CACNA1S: variants seen among roughly 807,000 people sequenced by gnomAD.
CACNA1S encodes the protein voltage-dependent L-type calcium channel subunit alpha-1S.
In CACNA1S, 126 loss-of-function variants were observed where a neutral mutation model predicts 207.4. The ratio of observed to expected loss-of-function variants is 0.61; its 90% CI spans 0.53 to 0.70. CACNA1S has a LOEUF of 0.70. Ranked by LOEUF, CACNA1S falls within the 30% of genes least tolerant of loss-of-function variation. CACNA1S has a pLI of 0.00. For missense variants in CACNA1S, 2,349 were observed against 2,422.8 expected (o/e 0.97, Z 0.64); for synonymous variants, 960 against 932.7 (o/e 1.03, Z -0.53).
chr1:201,095,010 A>G (rs1662365683), intron 2 of CACNA1S, among the ~76,000 whole-genome samples: 1 of 151,982 alleles, frequency 6.6e-6, no homozygotes, highest in Admixed American at 6.5e-5. Flanking sequence ...CTGGCTTGGC[A>G]GCTTCTAAGA....
intron 28 of CACNA1S, among the ~76,000 whole-genome samples, chr1:201,057,850 G>T (rs1179587950): frequency 6.6e-6 from 1 of 152,122 alleles, no homozygotes; most frequent in Non-Finnish European, 1.5e-5. Flanking sequence ...TCCTCCCACT[G>T]CCCTGTTTAA....
In CACNA1S at chr1:201,039,562, C is replaced by T; in HGVS notation, c.*269G>A. Reference sequence around the variant, plus strand: ...TTTAATGTCCTGCAGGTGGGAGTGGCCCTAGGCCAGACAGGCACTGACCAG... The same window carrying T: ...TTTAATGTCCTGCAGGTGGGAGTGGTCCTAGGCCAGACAGGCACTGACCAG... On this transcript the variant is annotated 3_prime_UTR_variant, in exon 44 of 44. Transcript: ENST00000362061. 1 of 559,616 alleles carries T rather than the reference C, an allele frequency of 1.8e-6. No homozygotes were observed. The highest frequency in any genetic ancestry group is 3.2e-6 in the Non-Finnish European group (1 of 311,514). 34.7% of individuals were successfully genotyped at this position (559,616 alleles called of 1,614,324 possible).
At chr1:201,047,301 G>C in intron 37 of CACNA1S, 62 bp from the exon 38 acceptor site, 1 of 1,609,486 alleles carries the variant, frequency 6.2e-7, no homozygotes, top group South Asian at 1.1e-5. Context: ...TGGATTCAGA[G>C]TGGGAGCCAG....
intron 28 of CACNA1S, among the ~76,000 whole-genome samples, chr1:201,056,076 C>T (rs918150966): frequency 7.5e-6 from 1 of 134,106 alleles, no homozygotes; most frequent in African/African-American, 2.7e-5. Flanking sequence ...GACAGACACA[C>T]ACACACACAC....
In CACNA1S at chr1:201,039,557, AGTGGCCCTAGGC is replaced by A; in HGVS notation, c.*262_*273del. The A allele has an allele frequency of 1.8e-6, 1 of 547,868 alleles. No homozygotes were observed. The highest frequency in any genetic ancestry group is 2.1e-5 in the South Asian group (1 of 47,900). The allele number at this position is 547,868 out of a possible 1,614,324, so 33.9% of individuals were successfully genotyped here. A position where few individuals can be genotyped will look rare whatever the true frequency, so the allele number is the denominator to read the frequency against. On this transcript the variant is annotated 3_prime_UTR_variant, in exon 44 of 44. Coordinates refer to ENST00000362061, the MANE Select transcript of CACNA1S (RefSeq NM_000069.3). ...GAGATTTTAATGTCCTGCAGGTGGG[AGTGGCCCTAGGC>A]CAGACAGGCACTGACCAGGCCTTTT...
At chr1:201,104,382 C>A (rs952261249) in intron 2 of CACNA1S, among the ~76,000 whole-genome samples, 1 of 152,178 alleles carries the variant, frequency 6.6e-6, no homozygotes, top group East Asian at 1.9e-4. Flanking sequence ...AACCACTGAC[C>A]TAGGAGGGAA....
At chr1:201,049,337 CT>C in intron 34 of CACNA1S, among the ~76,000 whole-genome samples, 1 of 152,338 alleles carries the variant, frequency 6.6e-6, no homozygotes, top group Non-Finnish European at 1.5e-5. Context: ...GGCGCATTCC[CT>C]CAGATATGGG....
At position 201,040,036 on chromosome 1, in the gene CACNA1S, A is replaced by C; in HGVS notation, c.5417T>G (p.Phe1806Cys). 6.2e-7 allele frequency: 1 copy of C among 1,614,204 alleles called. No homozygotes were observed. Among genetic ancestry groups the C allele is most frequent in the Admixed American group, 1.7e-5 (1 of 60,032 alleles). ...GLGTLAADAN[F>C]IMATGQALAD... ...CAGGGCCTGGCCTGTTGCCATGATG[A>C]AGTTTGCATCAGCTGCCAAGGTGCC... Residue 1806 changes from phenylalanine (F) to cysteine (C), a missense_variant, in exon 44 of 44, where the codon TTC (phenylalanine) becomes TGC (cysteine). Transcript: ENST00000362061.
In CACNA1S at chr1:201,087,841, A is replaced by G. The variant is rs748698421; in HGVS notation, c.989T>C (p.Leu330Pro). 6.2e-7 allele frequency: 1 copy of G among 1,612,246 alleles called. No individual in the cohort carries two copies. Among genetic ancestry groups the G allele is most frequent in the Non-Finnish European group, 8.5e-7 (1 of 1,178,778 alleles). Residue 330 changes from leucine to proline, a missense_variant, in exon 7 of 44, where the codon CTG becomes CCG. Physicochemically the swap from Leu to Pro is moderately conservative, Grantham distance 98. Coordinates refer to ENST00000362061, the MANE Select transcript of CACNA1S (RefSeq NM_000069.3). ...AATTTCTTACCCACTCAGGACACCC[A>G]GCACCAGGTTGAGGATGAAGAAGGA... ...LGSFFILNLV[L>P]GVLSGEFTKE...
At chr1:201,044,729 T>C (rs1159968749) in intron 38 of CACNA1S, among the ~76,000 whole-genome samples, 2 of 152,238 alleles carry the variant, frequency 1.3e-5, no homozygotes, top group East Asian at 3.8e-4. Flanking sequence ...TAGGCTGGTC[T>C]CAAACTCCTG....
chr1:201,062,527 AGAGGGAGG>A lies in CACNA1S; in HGVS notation c.2854-21_2854-14del. 5.4e-5 allele frequency: 63 copies of A among 1,156,320 alleles called. No homozygotes were observed. Among genetic ancestry groups the A allele is most frequent in the Non-Finnish European group, 7.8e-5 (62 of 796,404 alleles). 71.6% of individuals were successfully genotyped at this position (1,156,320 alleles called of 1,614,324 possible). On this transcript the variant is annotated splice_polypyrimidine_tract_variant and intron_variant, in intron 22 of 43. Coordinates refer to ENST00000362061, the MANE Select transcript of CACNA1S (RefSeq NM_000069.3). ...TGAAGAACTTCCCCTGCAGCCAGGA[AGAGGGAGG>A]GAGGGAGGGAGGCATGTTGTCATGG...
rs534324858 is a variant in CACNA1S, at chr1:201,040,311, C to A, written c.5290G>T (p.Glu1764Ter). The change falls in exon 43 of 44, where the codon GAG becomes TAG. Residue 1764 changes from glutamate to a stop codon, truncating the protein, a stop_gained. Coordinates refer to ENST00000362061, the MANE Select transcript of CACNA1S (RefSeq NM_000069.3). LOFTEE classifies it high-confidence loss of function. ...GTGCTCCTGCTGTGGGGTGTCTCCT[C>A]ATGAAGAGACCCTGGTGTGGAGCTC... ...RKSSTPGSLH[E>*]ETPHSRSTRE... 1.2e-6 allele frequency: 2 copies of A among 1,613,816 alleles called. No homozygotes were observed. Among genetic ancestry groups the A allele is most frequent in the South Asian group, 2.2e-5 (2 of 91,038 alleles).
chr1:201,067,101 T>C (rs1293597734), intron 19 of CACNA1S, 108 bp from the exon 20 acceptor site: 14 of 745,248 alleles, frequency 1.9e-5, no homozygotes, highest in Middle Eastern at 2.3e-4. Context: ...ACTGAGGCAA[T>C]AGCCTTCCAG....
chr1:201,069,209 C>T lies in CACNA1S; in HGVS notation c.2491-13G>A, dbSNP rs750836806. On this transcript the variant is annotated splice_polypyrimidine_tract_variant and intron_variant, in intron 18 of 43. Transcript: ENST00000362061. ...AGTGTTTAAGGATCTGGGGACAGGG[C>T]AGGGGCGGGAGCAGCCAGTGAGAGG... is the stretch of plus-strand genomic sequence containing the variant. The T allele has an allele frequency of 2.5e-6, 4 of 1,613,580 alleles. No individual in the cohort carries two copies. The highest frequency in any genetic ancestry group is 1.7e-5 in the Admixed American group (1 of 60,022).
At chr1:201,043,675 G>A in intron 39 of CACNA1S, 144 bp from the exon 40 acceptor site, 1 of 734,022 alleles carries the variant, frequency 1.4e-6, no homozygotes, top group Non-Finnish European at 2.2e-6. Context: ...ACTGAGTGGT[G>A]AGATCAAAAG....
intron 28 of CACNA1S, among the ~76,000 whole-genome samples, chr1:201,055,799 T>A (rs1660819758): frequency 6.6e-6 from 1 of 152,122 alleles, no homozygotes; most frequent in East Asian, 1.9e-4. Context: ...CTGCTAAAAA[T>A]CAAATAAAAA....
intron 7 of CACNA1S, 35 bp downstream of exon 7, chr1:201,087,791 C>T: frequency 5.6e-6 from 8 of 1,419,442 alleles, no homozygotes; most frequent in Non-Finnish European, 7.9e-6. Flanking sequence ...CCTCCTCTTT[C>T]TCTTTTCTCC....
intron 10 of CACNA1S, among the ~76,000 whole-genome samples, chr1:201,082,812 T>C (rs563616695): frequency 1.3e-5 from 2 of 152,220 alleles, no homozygotes; most frequent in South Asian, 4.2e-4. Context: ...GTGCTTAGAG[T>C]TCCAAATTAC....
rs781495570 is a variant in CACNA1S at position 201,093,908 on chromosome 1, C to T, written c.372G>A (p.Val124=). The T allele has an allele frequency of 6.2e-7, 1 of 1,614,224 alleles. No homozygotes were observed. The highest frequency in any genetic ancestry group is 1.1e-5 in the South Asian group (1 of 91,076). Residue 124 remains valine, a synonymous_variant, in exon 3 of 44, where the codon GTG becomes GTA. Transcript: ENST00000362061. ...QDAYLRSGWN[V]LDFTIVFLGV... ...CCAGGAAGACAATGGTGAAGTCCAG[C>T]ACATTCCAGCCACTGCGCAGGTAAG...
Sources: allele counts gnomAD v4.1 joint callset (sites outside exome capture counted in the v4.1 genomes callset), GRCh38; gene constraint gnomAD v4.1.1; transcripts MANE v1.5; gene names NCBI Gene and HGNC (gene_info 2026-07-23, HGNC 2026-07-21).